DAB1: variants seen among roughly 807,000 people sequenced by gnomAD.
The protein encoded by DAB1 is DAB adaptor protein 1.
A neutral mutation model predicts 64.6 loss-of-function variants in DAB1; 15 were observed. The ratio of observed to expected loss-of-function variants is 0.23; its 90% confidence interval spans 0.16 to 0.36. The LOEUF (loss-of-function observed/expected upper bound fraction) is 0.36. DAB1 is among the 10% of genes least tolerant of loss of function. DAB1 has a pLI of 1.00. For missense variants in DAB1, 596 were observed against 706.7 expected (o/e 0.84, Z 1.78); for synonymous variants, 235 against 251.9 (o/e 0.93, Z 0.64).
intron 5 of DAB1, among the ~76,000 whole-genome samples, chr1:58,037,429 A>C (rs754409950): frequency 6.6e-6 from 1 of 152,162 alleles, no homozygotes; most frequent in Admixed American, 6.5e-5. Context: ...GCTGCACAGC[A>C]GGAGATGAGT....
intron 7 of DAB1, among the ~76,000 whole-genome samples, chr1:57,435,051 T>TC: frequency 7.0e-6 from 1 of 142,224 alleles, no homozygotes; most frequent in Non-Finnish European, 1.5e-5. Context: ...TTTTTCTTTT[T>TC]TTTTTTTTTT....
chr1:58,285,344 G>A (rs1030651791), intron 4 of DAB1, among the ~76,000 whole-genome samples: 2 of 152,100 alleles, frequency 1.3e-5, no homozygotes, highest in African/African-American at 4.8e-5. Context: ...TATTCAAATC[G>A]GAAGTCAAAC....
intron 1 of DAB1, among the ~76,000 whole-genome samples, chr1:57,410,582 A>G (rs1278549073): frequency 1.3e-5 from 2 of 152,228 alleles, no homozygotes; most frequent in Non-Finnish European, 2.9e-5. Flanking sequence ...AAGCAATGCT[A>G]GTCCAGTCCC....
intron 1 of DAB1, among the ~76,000 whole-genome samples, chr1:58,532,574 C>CTAGA (rs1646450574): frequency 6.6e-6 from 1 of 152,144 alleles, no homozygotes. Flanking sequence ...GTCACCCAGG[C>CTAGA]TAGAGTGCAG....
intron 3 of DAB1, among the ~76,000 whole-genome samples, chr1:58,480,223 T>A (rs987791366): frequency 6.6e-6 from 1 of 152,250 alleles, no homozygotes; most frequent in Middle Eastern, 3.4e-3. Flanking sequence ...CAGCCTCTTT[T>A]GAGGGACAGT....
chr1:57,551,118 A>AACAATAGCACGTTCGTCTTG, intron 7 of DAB1, among the ~76,000 whole-genome samples: 1 of 152,310 alleles, frequency 6.6e-6, no homozygotes, highest in African/African-American at 2.4e-5. Context: ...CATCTGCACT[A>AACAATAGCACGTTCGTCTTG]ACAATAGCAC....
Position 57,012,257 on chromosome 1 carries a change from T to C in DAB1, c.1445-985A>G, listed in dbSNP as rs528236109. 5.9e-5 allele frequency among the ~76,000 whole-genome samples: 9 copies of C among 152,340 alleles called. No homozygotes were observed. In the South Asian group the frequency reaches 1.5e-3, roughly 25 times the overall value. ...TACTTTTTACTCTGATGAATCTATA[T>C]ATAGAAAGATGATGCTATTTCCTAA... On this transcript the variant is annotated intron_variant, in intron 12 of 14. Transcript: ENST00000371236.
At chr1:57,727,839 C>A (rs1291832187) in intron 6 of DAB1, among the ~76,000 whole-genome samples, 1 of 151,598 alleles carries the variant, frequency 6.6e-6, no homozygotes, top group Non-Finnish European at 1.5e-5. Context: ...CTACATTTAA[C>A]TCTTAAGTGC....
In DAB1 at chr1:57,305,984, AAG is replaced by A. The variant is rs1290086271; in HGVS notation, c.-136-14820_-136-14819del. ...ACTCCGTCTCAAAAAAAAAAAAAAA[AAG>A]AAAAAAGAAAAGAAAACAATGACTT... On this transcript the variant is annotated intron_variant, in intron 1 of 14. Coordinates refer to ENST00000371236, the MANE Select transcript of DAB1 (RefSeq NM_001365792.1). Among the ~76,000 whole-genome samples the A allele has an allele frequency of 4.9e-4, 71 of 145,046 alleles. 3 individuals carry two copies. Among genetic ancestry groups the A allele is most frequent in the African/African-American group, 1.9e-3 (70 of 37,248 alleles).
chr1:57,020,178 G>A (rs1646568039), intron 11 of DAB1, among the ~76,000 whole-genome samples: 1 of 152,148 alleles, frequency 6.6e-6, no homozygotes, highest in African/African-American at 2.4e-5. Flanking sequence ...AAGCCTCTGG[G>A]GTGAGTGTGA....
intron 3 of DAB1, among the ~76,000 whole-genome samples, chr1:58,448,078 G>C (rs887564834): frequency 6.6e-6 from 1 of 152,124 alleles, no homozygotes; most frequent in Non-Finnish European, 1.5e-5. Context: ...TTCTGGGGCA[G>C]AAAAGTATGT....
chr1:57,044,987 G>A (rs1015405392), intron 9 of DAB1, among the ~76,000 whole-genome samples: 2 of 152,110 alleles, frequency 1.3e-5, no homozygotes, highest in Admixed American at 1.3e-4. Flanking sequence ...GCTGTTACTC[G>A]CCTTGTTTCC....
chr1:58,293,779 C>T (rs1661903711), intron 4 of DAB1, among the ~76,000 whole-genome samples: 1 of 152,174 alleles, frequency 6.6e-6, no homozygotes, highest in African/African-American at 2.4e-5. Context: ...TCATTTTCTT[C>T]CAAAGTGGTC....
At chr1:57,567,602 C>A (rs1645139193) in intron 7 of DAB1, among the ~76,000 whole-genome samples, 1 of 152,180 alleles carries the variant, frequency 6.6e-6, no homozygotes, top group Non-Finnish European at 1.5e-5. Context: ...AATCAATGTA[C>A]AAAAATCACA....
chr1:58,503,021 AT>A (rs1557443848), intron 3 of DAB1, among the ~76,000 whole-genome samples: 4 of 152,172 alleles, frequency 2.6e-5, no homozygotes, highest in African/African-American at 9.6e-5. Flanking sequence ...ATTCATTATT[AT>A]TTTAAAGACA....
At chr1:58,504,668 A>C (rs1356227440) in intron 3 of DAB1, among the ~76,000 whole-genome samples, 4 of 152,202 alleles carry the variant, frequency 2.6e-5, no homozygotes, top group Non-Finnish European at 5.9e-5. Flanking sequence ...TTAATCAATA[A>C]GTATCAATAA....
intron 4 of DAB1, among the ~76,000 whole-genome samples, chr1:58,337,773 G>A (rs954997906): frequency 6.6e-6 from 1 of 152,162 alleles, no homozygotes; most frequent in African/African-American, 2.4e-5. Flanking sequence ...TATAAATGGA[G>A]AAAGGGGCAT....
intron 1 of DAB1, among the ~76,000 whole-genome samples, chr1:57,410,824 G>A (rs566739): frequency 0.25 from 37,958 of 152,044 alleles, 5,505 homozygotes; most frequent in African/African-American, 0.39. Context: ...TATATGAGAC[G>A]TCCTTTTTCA....
At chr1:57,355,873 AACACACACACACACACACACAC>A (rs10529674) in intron 1 of DAB1, among the ~76,000 whole-genome samples, 3 of 146,318 alleles carry the variant, frequency 2.1e-5, no homozygotes, top group East Asian at 4.4e-4. Context: ...AACCTCAATA[AACACACACACACACACACACAC>A]ACACACACAC....
Sources: gnomAD v4.1 joint callset for allele counts (sites outside exome capture counted in the v4.1 genomes callset) on GRCh38, gnomAD v4.1.1 for gene constraint, MANE v1.5 for transcripts, NCBI Gene and HGNC (gene_info 2026-07-23, HGNC 2026-07-21) for gene names.